ITPK1: variants seen among roughly 807,000 people sequenced by gnomAD.
ITPK1 encodes inositol-tetrakisphosphate 1-kinase.
ITPK1 carries 21 observed loss-of-function variants against 45.3 expected under a neutral mutation model. The observed-to-expected ratio is 0.46, with a 90% CI of 0.33 to 0.67. The LOEUF is 0.67. Ranked by LOEUF, ITPK1 falls within the 30% of genes least tolerant of loss-of-function variation. The pLI is 0.02. For missense variants in ITPK1, 474 were observed against 573.5 expected, an observed-to-expected ratio of 0.83 and a Z score of 1.77; for synonymous variants, 258 against 253.6, an observed-to-expected ratio of 1.02 and a Z score of -0.16.
rs189558650 is a variant in ITPK1, at chr14:93,109,953, G to A, written c.95+5116C>T. Among the ~76,000 whole-genome samples, 96 of 152,298 alleles carry A rather than the reference G, an allele frequency of 6.3e-4. 1 individual carries two copies. Among genetic ancestry groups the A allele is most frequent in the African/African-American group, 2.0e-3 (85 of 41,560 alleles). ...CACTCACTCACTCCACAGGGACGAC[G>A]ACAGCAGCGGCCGCCGCCACTGACA... On this transcript the variant is annotated intron_variant, in intron 2 of 10. Coordinates refer to ENST00000267615, the MANE Select transcript of ITPK1 (RefSeq NM_014216.6).
intron 9 of ITPK1, among the ~76,000 whole-genome samples, chr14:92,949,337 C>T (rs188400084): frequency 7.4e-4 from 113 of 152,302 alleles, no homozygotes; most frequent in East Asian, 4.6e-3. Context: ...TGGGCTCAAG[C>T]GATCTGCCCG....
chr14:93,040,585 C>T (rs1889518436), intron 3 of ITPK1, among the ~76,000 whole-genome samples: 3 of 152,198 alleles, frequency 2.0e-5, no homozygotes, highest in Admixed American at 6.5e-5. Flanking sequence ...TAAGCTGGCT[C>T]GTGCCTTGAG....
intron 10 of ITPK1, among the ~76,000 whole-genome samples, chr14:92,942,695 G>A (rs1179401190): frequency 6.6e-6 from 1 of 151,800 alleles, no homozygotes; most frequent in African/African-American, 2.4e-5. Flanking sequence ...CATGGTACCT[G>A]CCTGGGGCAA....
At chr14:92,993,604 G>A (rs527780257) in intron 5 of ITPK1, among the ~76,000 whole-genome samples, 9 of 152,204 alleles carry the variant, frequency 5.9e-5, no homozygotes, top group East Asian at 1.9e-4. Flanking sequence ...CTGTGTTACC[G>A]GGACACTTCA....
chr14:93,008,128 G>A (rs1344144241), intron 4 of ITPK1, among the ~76,000 whole-genome samples: 3 of 152,192 alleles, frequency 2.0e-5, no homozygotes, highest in Admixed American at 2.0e-4. Context: ...TCCCTTGCCT[G>A]CTCCCCTCCT....
At chr14:93,094,934 T>C (rs1892010352) in intron 2 of ITPK1, among the ~76,000 whole-genome samples, 1 of 152,188 alleles carries the variant, frequency 6.6e-6, no homozygotes, top group Non-Finnish European at 1.5e-5. Context: ...CTTTCTCCAC[T>C]ACCTTCCATC....
rs540904490 is a variant in ITPK1 at position 93,041,358 on chromosome 14, T to C, written c.121-24557A>G. On this transcript the variant is annotated intron_variant, in intron 3 of 10. Transcript: ENST00000267615. ...GTGGCAACCCTGTCTCTGCACAGTA[T>C]TGCCTGGGCATCCTTCCCTCCTCTC... Among the ~76,000 whole-genome samples, 9 of 152,326 alleles carry C rather than the reference T, an allele frequency of 5.9e-5. No individual in the cohort carries two copies. The South Asian group carries it at 1.9e-3, about 32-fold the overall frequency.
At chr14:93,013,784 A>T (rs1888036023) in intron 4 of ITPK1, among the ~76,000 whole-genome samples, 1 of 152,180 alleles carries the variant, frequency 6.6e-6, no homozygotes, top group African/African-American at 2.4e-5. Flanking sequence ...ATAAAATTTA[A>T]AACAAAAATC....
chr14:92,990,720 C>G (rs1886737242), intron 5 of ITPK1, among the ~76,000 whole-genome samples: 2 of 152,178 alleles, frequency 1.3e-5, no homozygotes, highest in South Asian at 4.1e-4. Context: ...GGATGCAGAG[C>G]TGGGGTGGGA....
At chr14:92,962,952 C>T (rs1885167019) in intron 5 of ITPK1, 103 bp from the exon 6 acceptor site, 2 of 694,194 alleles carry the variant, frequency 2.9e-6, no homozygotes, top group Admixed American at 2.8e-5. Context: ...AGTGCCCCCA[C>T]GCTCCTGGAT....
chr14:93,106,309 G>A (rs905811149), intron 2 of ITPK1, among the ~76,000 whole-genome samples: 18 of 150,984 alleles, frequency 1.2e-4, no homozygotes, highest in African/African-American at 4.4e-4. Flanking sequence ...CGGATGGGAG[G>A]AAGGTCACAC....
At chr14:92,981,515 C>G (rs1262532358) in intron 5 of ITPK1, among the ~76,000 whole-genome samples, 3 of 152,204 alleles carry the variant, frequency 2.0e-5, no homozygotes, top group Non-Finnish European at 4.4e-5. Flanking sequence ...CTTCCTGTGG[C>G]CCCGAGCCCA....
chr14:92,987,608 C>T (rs890745122), intron 5 of ITPK1, among the ~76,000 whole-genome samples: 2 of 152,140 alleles, frequency 1.3e-5, no homozygotes, highest in Non-Finnish European at 2.9e-5. Flanking sequence ...TGTAAGGGAA[C>T]AGGGTGAGCT....
At chr14:93,028,342 C>A (rs1745313537) in intron 3 of ITPK1, among the ~76,000 whole-genome samples, 2 of 152,204 alleles carry the variant, frequency 1.3e-5, no homozygotes. Context: ...GAGCCGGAAA[C>A]CAACCCCCAG....
At chr14:92,963,961 C>A (rs1459121316) in intron 5 of ITPK1, among the ~76,000 whole-genome samples, 1 of 152,194 alleles carries the variant, frequency 6.6e-6, no homozygotes, top group Non-Finnish European at 1.5e-5. Flanking sequence ...CAAAAGTAAA[C>A]AGAGCAAAGC....
At chr14:93,059,937 C>T (rs1259753753) in intron 3 of ITPK1, among the ~76,000 whole-genome samples, 1 of 151,764 alleles carries the variant, frequency 6.6e-6, no homozygotes, top group African/African-American at 2.4e-5. Context: ...ACTCCCTGCT[C>T]ACCCCCATCC....
chr14:93,045,907 GCCC>G, intron 3 of ITPK1, among the ~76,000 whole-genome samples: 1 of 152,202 alleles, frequency 6.6e-6, no homozygotes, highest in South Asian at 2.1e-4. Flanking sequence ...GCTCCCCAGT[GCCC>G]CCAAATGAGG....
chr14:93,099,228 A>C (rs1156719150), intron 2 of ITPK1, among the ~76,000 whole-genome samples: 5 of 152,032 alleles, frequency 3.3e-5, no homozygotes, highest in Admixed American at 6.6e-5. Flanking sequence ...GGCCCTCCCC[A>C]GACCAACACT....
In ITPK1 at chr14:93,016,668, T is replaced by C; in HGVS notation, c.246+8A>G. 1 of 1,613,868 alleles carries C rather than the reference T, an allele frequency of 6.2e-7. No homozygotes were observed. On this transcript the variant is annotated splice_region_variant and intron_variant, in intron 4 of 10. Transcript: ENST00000267615. The surrounding 1 kb of genome is among the most constrained non-coding windows in gnomAD (Gnocchi z 5.0). ...GCCACAGCCAAGGGCTGCATGGTCC[T>C]CACTCACCTGGAACCTGTGCACCAG...
Sources: gnomAD v4.1 joint callset for allele counts (sites outside exome capture counted in the v4.1 genomes callset) on GRCh38, gnomAD v4.1.1 for gene constraint, Gnocchi (gnomAD v3.1) non-coding constraint, MANE v1.5 for transcripts, NCBI Gene and HGNC (gene_info 2026-07-23, HGNC 2026-07-21) for gene names.